INSC: variants seen among roughly 807,000 people sequenced by gnomAD.
INSC encodes protein inscuteable homolog.
In INSC, 67 loss-of-function variants were observed where a neutral mutation model predicts 58.6. The ratio of observed to expected loss-of-function variants is 1.14; its 90% CI spans 0.94 to 1.40. The LOEUF (loss-of-function observed/expected upper bound fraction) is 1.40. INSC is among the 40% of genes most tolerant of loss of function. The pLI is 0.00. For synonymous variants in INSC, 262 were observed against 276.1 expected (o/e 0.95, Z 0.51); for missense variants, 714 against 692.0 (o/e 1.03, Z -0.36).
intron 7 of INSC, among the ~76,000 whole-genome samples, chr11:15,220,848 T>C (rs1851409674): frequency 1.3e-5 from 2 of 152,176 alleles, no homozygotes; most frequent in Admixed American, 1.3e-4. Flanking sequence ...TTCTTACTGG[T>C]TGGGCACAGA....
chr11:15,126,277 A>T (rs899939198), intron 1 of INSC, among the ~76,000 whole-genome samples: 1 of 152,204 alleles, frequency 6.6e-6, no homozygotes, highest in South Asian at 2.1e-4. Context: ...TGAGGCTAGG[A>T]GTACTTCTGG....
intron 9 of INSC, among the ~76,000 whole-genome samples, chr11:15,234,036 A>G (rs1852026966): frequency 6.6e-6 from 1 of 152,236 alleles, no homozygotes; most frequent in South Asian, 2.1e-4. Context: ...ACAAGTAAAT[A>G]AATACGTAAA....
intron 1 of INSC, among the ~76,000 whole-genome samples, chr11:15,122,628 C>A (rs1847900222): frequency 6.6e-6 from 1 of 152,148 alleles, no homozygotes; most frequent in Non-Finnish European, 1.5e-5. Flanking sequence ...TCATCCTCAA[C>A]ACCTCTCTCC....
At chr11:15,235,118 C>T (rs1248370382) in intron 9 of INSC, 2 of 205,652 alleles carry the variant, frequency 9.7e-6, no homozygotes, top group Non-Finnish European at 2.0e-5. Context: ...CTAACGTGAC[C>T]TTAGCCTTCA....
In INSC at chr11:15,175,754, C is replaced by G; in HGVS notation, c.70C>G (p.Gln24Glu). The change falls in exon 3 of 13, where the codon CAG becomes GAG. Residue 24 changes from glutamine to glutamate, a missense_variant. By Grantham distance (29) the Gln-to-Glu change is conservative. Transcript: ENST00000379556. ...TCCTGGTTGCAGGCTACACCTGATG[C>G]AGGTGGACTCAGTCCAGCGCTGGAT... ...TLPGQRLHLM[Q>E]VDSVQRWMED... The G allele has an allele frequency of 6.4e-7, 1 of 1,561,132 alleles. No homozygotes were observed. The highest frequency in any genetic ancestry group is 8.7e-7 in the Non-Finnish European group (1 of 1,145,072).
chr11:15,218,925 T>C (rs1372433080), intron 7 of INSC, among the ~76,000 whole-genome samples: 1 of 152,212 alleles, frequency 6.6e-6, no homozygotes, highest in Non-Finnish European at 1.5e-5. Flanking sequence ...CAAATTTTAC[T>C]TTATTGTACT....
rs115346452 is a variant in INSC at position 15,120,738 on chromosome 11, T to C, written c.-46+5735T>C. 7.7e-3 allele frequency among the ~76,000 whole-genome samples: 1,174 copies of C among 152,334 alleles called. 15 individuals are homozygous for C. Among genetic ancestry groups the C allele is most frequent in the African/African-American group, 0.027 (1,122 of 41,564 alleles). Reference sequence around the variant, plus strand: ...TTTTGTCATATTTATGGACAAGCACTGAGGTATTTTAAGAAGGGAGGGACA... The same window carrying C: ...TTTTGTCATATTTATGGACAAGCACCGAGGTATTTTAAGAAGGGAGGGACA... On this transcript the variant is annotated intron_variant, in intron 1 of 12. Transcript: ENST00000379556.
intron 7 of INSC, among the ~76,000 whole-genome samples, chr11:15,203,630 C>A (rs1364513288): frequency 1.3e-5 from 2 of 152,198 alleles, no homozygotes; most frequent in East Asian, 3.8e-4. Context: ...GTAATTCATT[C>A]ATTCAGCAAA....
rs1405922431 is a variant in INSC, at chr11:15,163,573, A to G, written c.57-12168A>G. 5.3e-5 allele frequency among the ~76,000 whole-genome samples: 8 copies of G among 151,836 alleles called. No homozygotes were observed. The East Asian group carries it at 1.5e-3, about 29-fold the overall frequency. On this transcript the variant is annotated intron_variant, in intron 2 of 12. Coordinates refer to ENST00000379556, the MANE Select transcript of INSC (RefSeq NM_001042536.3). Reference sequence around the variant, plus strand: ...CTTTAATATTTGTTGTTTTCTCTCAAATTCTTTTTATTTTACTTATGTATT... The same window carrying G: ...CTTTAATATTTGTTGTTTTCTCTCAGATTCTTTTTATTTTACTTATGTATT...
In INSC at chr11:15,221,101, A is replaced by G. The variant is rs557869073; in HGVS notation, c.820-376A>G. ...GGGTAAGTGACTAACGCCAAGTCAC[A>G]CAGCAAGGAAGAGGGGATTGGAGGT... On this transcript the variant is annotated intron_variant, in intron 7 of 12. Transcript: ENST00000379556. Among the ~76,000 whole-genome samples, 3 of 152,354 alleles carry G rather than the reference A, an allele frequency of 2.0e-5. No individual in the cohort carries two copies. The South Asian group carries it at 6.2e-4, about 32-fold the overall frequency.
At chr11:15,211,627 A>G (rs1483557501) in intron 7 of INSC, among the ~76,000 whole-genome samples, 1 of 152,160 alleles carries the variant, frequency 6.6e-6, no homozygotes. Flanking sequence ...TTATGAAAAT[A>G]TTCTCCTAAT....
chr11:15,121,400 A>G (rs1352217438), intron 1 of INSC, among the ~76,000 whole-genome samples: 2 of 152,196 alleles, frequency 1.3e-5, no homozygotes, highest in Non-Finnish European at 2.9e-5. Context: ...ATGGTTCTAC[A>G]TGATTAGATT....
the INSC span, among the ~76,000 whole-genome samples, chr11:15,261,280 G>A: frequency 6.6e-6 from 1 of 152,038 alleles, no homozygotes; most frequent in Non-Finnish European, 1.5e-5. Context: ...TTGTGTGCTG[G>A]TTTTCAGTTC....
intron 6 of INSC, among the ~76,000 whole-genome samples, chr11:15,195,395 C>T (rs1046331604): frequency 3.4e-4 from 51 of 152,170 alleles, no homozygotes; most frequent in African/African-American, 1.2e-3. Context: ...TTCTGAATGG[C>T]ACATGGGTTC....
intron 1 of INSC, among the ~76,000 whole-genome samples, chr11:15,142,007 A>G (rs913209651): frequency 1.3e-5 from 2 of 152,192 alleles, no homozygotes; most frequent in Non-Finnish European, 2.9e-5. Context: ...CCAACAGGAC[A>G]GAGACTAAAT....
chr11:15,228,205 A>G (rs1253058629), intron 9 of INSC, among the ~76,000 whole-genome samples: 1 of 152,192 alleles, frequency 6.6e-6, no homozygotes. Flanking sequence ...GACCCTCCAG[A>G]GAGGAGTCCC....
intron 9 of INSC, among the ~76,000 whole-genome samples, chr11:15,227,828 A>T (rs1328286826): frequency 6.6e-6 from 1 of 152,146 alleles, no homozygotes; most frequent in African/African-American, 2.4e-5. Context: ...CATCTACCTG[A>T]CATAATTTTA....
At position 15,149,195 on chromosome 11, in the gene INSC, T is replaced by C. The variant is rs1848571309; in HGVS notation, c.21T>C (p.Gly7=). 2 of 1,609,646 alleles carry C rather than the reference T, an allele frequency of 1.2e-6. No homozygotes were observed. Among genetic ancestry groups the C allele is most frequent in the East Asian group, 2.3e-5 (1 of 44,410 alleles). MMALPG[G]RHLDSVTLPG... is the part of the protein sequence containing the mutation. ...TCAACATGATGGCACTGCCTGGAGG[T>C]CGCCACCTGGACTCCGTCACCCTGC... Residue 7 remains glycine (G), a synonymous_variant, in exon 2 of 13, where the codon GGT becomes GGC. Coordinates refer to ENST00000379556, the MANE Select transcript of INSC (RefSeq NM_001042536.3).
chr11:15,234,762 G>T (rs1205664282), intron 9 of INSC, among the ~76,000 whole-genome samples: 1 of 152,144 alleles, frequency 6.6e-6, no homozygotes, highest in Non-Finnish European at 1.5e-5. Flanking sequence ...TGAGTTAACA[G>T]GTGCCATGTT....
Sources: gnomAD v4.1 joint callset for allele counts (sites outside exome capture counted in the v4.1 genomes callset) on GRCh38, gnomAD v4.1.1 for gene constraint, MANE v1.5 for transcripts, NCBI Gene and HGNC (gene_info 2026-07-23, HGNC 2026-07-21) for gene names.